Variants in KCNB2 observed in about 807,000 individuals in gnomAD.
KCNB2 encodes the protein delayed rectifier potassium channel protein.
KCNB2 carries 15 observed loss-of-function variants against 61.5 expected under a neutral mutation model. That is an observed-to-expected ratio of 0.24 (90% CI 0.16 to 0.38). The LOEUF (loss-of-function observed/expected upper bound fraction) is 0.38. Among genes scored for constraint, KCNB2 ranks in the 10% least tolerant of loss-of-function variants. The probability of loss-of-function intolerance (pLI) is 1.00; values close to 1 mark genes in which losing one functional copy is unlikely to be tolerated. For missense variants in KCNB2, 828 were observed against 1,125.2 expected, an observed-to-expected ratio of 0.74 and a Z score of 3.78; for synonymous variants, 457 against 446.0, an observed-to-expected ratio of 1.02 and a Z score of -0.31.
intron 2 of KCNB2, among the ~76,000 whole-genome samples, chr8:72,848,458 A>G (rs1340794774): frequency 1.3e-5 from 2 of 152,116 alleles, no homozygotes; most frequent in Non-Finnish European, 2.9e-5. Flanking sequence ...TATTATTTGT[A>G]AAGAATAATA....
intron 2 of KCNB2, among the ~76,000 whole-genome samples, chr8:72,734,677 A>C (rs557829395): frequency 7.9e-4 from 120 of 152,292 alleles, no homozygotes; most frequent in African/African-American, 2.8e-3. Context: ...GAATGTCTTC[A>C]ATACCAAGTA....
At chr8:72,867,384 C>G (rs576315187) in intron 2 of KCNB2, among the ~76,000 whole-genome samples, 4 of 152,072 alleles carry the variant, frequency 2.6e-5, no homozygotes, top group Non-Finnish European at 5.9e-5. Flanking sequence ...AGTGGTGGCT[C>G]ACGCCTATAA....
At chr8:72,552,138 C>A (rs1030745117) in intron 1 of KCNB2, among the ~76,000 whole-genome samples, 1 of 152,140 alleles carries the variant, frequency 6.6e-6, no homozygotes, top group African/African-American at 2.4e-5. Context: ...TAATTGGAGT[C>A]CCAGGGTATA....
chr8:72,865,714 C>G (rs1363781227), intron 2 of KCNB2, among the ~76,000 whole-genome samples: 1 of 152,050 alleles, frequency 6.6e-6, no homozygotes, highest in Non-Finnish European at 1.5e-5. Context: ...TTCATGCCTT[C>G]TGTATTCTTG....
intron 2 of KCNB2, among the ~76,000 whole-genome samples, chr8:72,687,956 C>A (rs914819489): frequency 6.6e-6 from 1 of 152,110 alleles, no homozygotes; most frequent in Non-Finnish European, 1.5e-5. Context: ...CTATGGAGCA[C>A]AGTTCAGGCC....
At chr8:72,768,502 T>C (rs1475695705) in intron 2 of KCNB2, among the ~76,000 whole-genome samples, 1 of 152,052 alleles carries the variant, frequency 6.6e-6, no homozygotes, top group African/African-American at 2.4e-5. Flanking sequence ...GTGTAATTTT[T>C]TTTTTGGTGC....
chr8:72,652,056 T>A (rs987825102), intron 2 of KCNB2, among the ~76,000 whole-genome samples: 6 of 152,110 alleles, frequency 3.9e-5, no homozygotes, highest in African/African-American at 1.4e-4. Flanking sequence ...ATCTCCATAA[T>A]CTACTTTGAC....
intron 2 of KCNB2, among the ~76,000 whole-genome samples, chr8:72,761,892 A>G (rs913700400): frequency 3.3e-5 from 5 of 152,190 alleles, no homozygotes; most frequent in African/African-American, 1.2e-4. Context: ...TTCATAAGGC[A>G]CAGATAACTT....
intron 2 of KCNB2, among the ~76,000 whole-genome samples, chr8:72,644,345 A>G (rs1031101506): frequency 6.6e-6 from 1 of 152,030 alleles, no homozygotes; most frequent in African/African-American, 2.4e-5. Context: ...TTAGCTGGTT[A>G]TTTACTGGAT....
rs1217548561 is a variant in KCNB2 at position 72,737,055 on chromosome 8, A to C, written c.579+168742A>C. Among the ~76,000 whole-genome samples the C allele has an allele frequency of 2.0e-5, 3 of 146,504 alleles. No homozygotes were observed. In the South Asian group the frequency reaches 6.5e-4, roughly 32 times the overall value. On this transcript the variant is annotated intron_variant, in intron 2 of 2. Transcript: ENST00000523207. ...TATTTTTTTTTTTTGCTCTTTTGTT[A>C]TGGTTGTTTTTGTTTGTATTATTAG...
chr8:72,846,043 G>A (rs1444180295), intron 2 of KCNB2, among the ~76,000 whole-genome samples: 1 of 151,962 alleles, frequency 6.6e-6, no homozygotes, highest in Non-Finnish European at 1.5e-5. Context: ...CAGCCGCCCA[G>A]TTTTGTGCTT....
intron 2 of KCNB2, among the ~76,000 whole-genome samples, chr8:72,854,267 C>A (rs976471632): frequency 6.6e-6 from 1 of 152,100 alleles, no homozygotes; most frequent in Non-Finnish European, 1.5e-5. Flanking sequence ...TAAAACCTCA[C>A]GTTCTTACAT....
chr8:72,799,409 A>ATTATTTATTATTATTT lies in KCNB2; in HGVS notation c.580-136524_580-136523insATTTATTATTATTTTT, dbSNP rs1165659806. ...ATGCACTGTTCAAGAGCACATTATT[A>ATTATTTATTATTATTT]TTTTTTATTATTATTATTCTCCAAT... On this transcript the variant is annotated intron_variant, in intron 2 of 2. Transcript: ENST00000523207. 6.2e-4 allele frequency among the ~76,000 whole-genome samples: 94 copies of ATTATTTATTATTATTT among 152,278 alleles called. 3 individuals are homozygous for ATTATTTATTATTATTT. The highest frequency in any genetic ancestry group is 3.4e-3 in the Middle Eastern group (1 of 294).
At chr8:72,782,967 T>G (rs1022272454) in intron 2 of KCNB2, among the ~76,000 whole-genome samples, 1 of 152,190 alleles carries the variant, frequency 6.6e-6, no homozygotes, top group Non-Finnish European at 1.5e-5. Context: ...TTCATAAGAA[T>G]GGTCATGGAT....
chr8:72,637,614 C>T, intron 2 of KCNB2, among the ~76,000 whole-genome samples: 1 of 151,156 alleles, frequency 6.6e-6, no homozygotes, highest in Admixed American at 6.6e-5. Context: ...ACTGTTATAG[C>T]CTCTCTCTCT....
chr8:72,886,289 T>C (rs1230935758), intron 2 of KCNB2, among the ~76,000 whole-genome samples: 1 of 152,180 alleles, frequency 6.6e-6, no homozygotes, highest in Non-Finnish European at 1.5e-5. Context: ...TAGAATCTGT[T>C]GATTTGTTTC....
chr8:72,626,829 A>G (rs1231023851), intron 2 of KCNB2, among the ~76,000 whole-genome samples: 1 of 152,206 alleles, frequency 6.6e-6, no homozygotes, highest in African/African-American at 2.4e-5. Context: ...GTTCTTTATA[A>G]CAACCCTGCA....
At chr8:72,599,478 C>A (rs1807254545) in intron 2 of KCNB2, among the ~76,000 whole-genome samples, 1 of 152,116 alleles carries the variant, frequency 6.6e-6, no homozygotes, top group African/African-American at 2.4e-5. Flanking sequence ...AAATGTTAGA[C>A]CTAAAACCAT....
intron 2 of KCNB2, among the ~76,000 whole-genome samples, chr8:72,820,469 T>C (rs566563562): frequency 6.6e-6 from 1 of 152,294 alleles, no homozygotes; most frequent in South Asian, 2.1e-4. Flanking sequence ...AGAGTGGGAT[T>C]TTCAATTCCC....
Sources: gnomAD v4.1 joint callset for allele counts (sites outside exome capture counted in the v4.1 genomes callset) on GRCh38, gnomAD v4.1.1 for gene constraint, MANE v1.5 for transcripts, NCBI Gene and HGNC (gene_info 2026-07-23, HGNC 2026-07-21) for gene names.